TAFA1: variants seen among roughly 807,000 people sequenced by gnomAD.
The protein encoded by TAFA1 is TAFA chemokine like family member 1, also known as chemokine-like protein TAFA-1.
A neutral mutation model predicts 18.5 loss-of-function variants in TAFA1; 4 were observed. The ratio of observed to expected loss-of-function variants is 0.22; its 90% confidence interval spans 0.11 to 0.49. The LOEUF is 0.49. Among genes scored for constraint, TAFA1 ranks in the 20% least tolerant of loss-of-function variants. The probability of loss-of-function intolerance (pLI) is 0.98; values close to 1 mark genes in which losing one functional copy is unlikely to be tolerated. For synonymous variants in TAFA1, 56 were observed against 55.2 expected (o/e 1.01, Z -0.06); for missense variants, 147 against 169.0 (o/e 0.87, Z 0.72).
At chr3:68,155,672 C>A (rs1462793151) in intron 2 of TAFA1, among the ~76,000 whole-genome samples, 3 of 152,072 alleles carry the variant, frequency 2.0e-5, no homozygotes, top group Admixed American at 1.3e-4. Context: ...TGGAAATTAA[C>A]AAATCATTCC....
chr3:68,390,190 G>T (rs1003664937), intron 2 of TAFA1, among the ~76,000 whole-genome samples: 10 of 152,162 alleles, frequency 6.6e-5, no homozygotes, highest in Non-Finnish European at 1.5e-4. Flanking sequence ...CGCCATTACT[G>T]AGGCTTGAGT....
At chr3:68,460,362 T>A (rs2071751717) in intron 3 of TAFA1, among the ~76,000 whole-genome samples, 1 of 152,176 alleles carries the variant, frequency 6.6e-6, no homozygotes, top group Non-Finnish European at 1.5e-5. Flanking sequence ...TTTTGTTTTT[T>A]TCTTCAGCAT....
chr3:68,151,896 G>T (rs912265241), intron 2 of TAFA1, among the ~76,000 whole-genome samples: 3 of 152,102 alleles, frequency 2.0e-5, no homozygotes, highest in Admixed American at 6.5e-5. Flanking sequence ...TATGCTACTG[G>T]ATTCTAATTA....
At chr3:68,104,205 T>C (rs112526431) in intron 2 of TAFA1, among the ~76,000 whole-genome samples, 148 of 152,298 alleles carry the variant, frequency 9.7e-4, no homozygotes, top group African/African-American at 3.4e-3. Flanking sequence ...AAACTCAGAT[T>C]AATATGGGTC....
At chr3:68,069,759 T>G (rs1651059076) in intron 2 of TAFA1, among the ~76,000 whole-genome samples, 1 of 152,182 alleles carries the variant, frequency 6.6e-6, no homozygotes, top group Non-Finnish European at 1.5e-5. Flanking sequence ...TTCTAAATGG[T>G]AGTAATTGGC....
the TAFA1 span, among the ~76,000 whole-genome samples, chr3:67,994,035 A>G: frequency 1.3e-5 from 2 of 152,186 alleles, no homozygotes; most frequent in African/African-American, 4.8e-5. Flanking sequence ...TGTGTGATAT[A>G]TATTTTCAAC....
At chr3:68,177,742 T>C (rs1446777447) in intron 2 of TAFA1, among the ~76,000 whole-genome samples, 1 of 152,210 alleles carries the variant, frequency 6.6e-6, no homozygotes, top group Non-Finnish European at 1.5e-5. Flanking sequence ...CCTTTTATAA[T>C]CTGTCTTGTC....
At chr3:68,198,780 A>G (rs1178707861) in intron 2 of TAFA1, among the ~76,000 whole-genome samples, 5 of 151,446 alleles carry the variant, frequency 3.3e-5, no homozygotes, top group Non-Finnish European at 4.4e-5. Context: ...CCTTTATCAG[A>G]TATGCCTCTA....
At chr3:68,207,515 G>A (rs777775602) in intron 2 of TAFA1, among the ~76,000 whole-genome samples, 5 of 151,778 alleles carry the variant, frequency 3.3e-5, no homozygotes, top group Non-Finnish European at 2.9e-5. Context: ...ATGTCAGTTC[G>A]CAGAGCCCCA....
rs118043729 is a variant in TAFA1 at position 68,424,492 on chromosome 3, C to T, written c.259+7072C>T. ...ACAAAATAAAATTTGACAGATGTAA[C>T]TTTAATTTTTTTTTCAAGTGGCATT... On this transcript the variant is annotated intron_variant, in intron 3 of 4. Transcript: ENST00000478136. 3.7e-4 allele frequency among the ~76,000 whole-genome samples: 56 copies of T among 151,874 alleles called. No homozygotes were observed. In the East Asian group the frequency reaches 0.011, roughly 28 times the overall value.
chr3:68,042,402 C>T (rs971246667), intron 2 of TAFA1, among the ~76,000 whole-genome samples: 6 of 152,176 alleles, frequency 3.9e-5, no homozygotes, highest in African/African-American at 1.4e-4. Flanking sequence ...GTAATCCCAG[C>T]ACGTTGGGAG....
intron 2 of TAFA1, among the ~76,000 whole-genome samples, chr3:68,129,549 C>A (rs538232748): frequency 6.6e-6 from 1 of 152,280 alleles, no homozygotes; most frequent in African/African-American, 2.4e-5. Flanking sequence ...CCATTTTATT[C>A]TGAGACCAAT....
intron 2 of TAFA1, among the ~76,000 whole-genome samples, chr3:68,080,356 A>T (rs564987187): frequency 8.3e-4 from 126 of 151,792 alleles, no homozygotes; most frequent in African/African-American, 2.9e-3. Context: ...TCCTGTCATT[A>T]TGAGGTTAGC....
chr3:68,280,320 T>C (rs1575742425), intron 2 of TAFA1, among the ~76,000 whole-genome samples: 2 of 152,218 alleles, frequency 1.3e-5, no homozygotes, highest in South Asian at 4.1e-4. Flanking sequence ...ATTCTTTCAA[T>C]ACCATTGATC....
rs73836822 is a variant in TAFA1 at position 68,254,597 on chromosome 3, A to G, written c.119-162683A>G. The stretch of plus-strand genomic sequence containing the variant: ...ACTGGAATCTATTCATATGGGAACC[A>G]AAGACATGCTGTGATGCCAAGTTAT... On this transcript the variant is annotated intron_variant, in intron 2 of 4. Coordinates refer to ENST00000478136, the MANE Select transcript of TAFA1 (RefSeq NM_213609.4). Among the ~76,000 whole-genome samples the G allele has an allele frequency of 9.7e-3, 1,471 of 152,234 alleles. 16 individuals carry two copies. Among genetic ancestry groups the G allele is most frequent in the African/African-American group, 0.03 (1,247 of 41,548 alleles).
At chr3:68,539,281 T>G (rs1410202188) in intron 4 of TAFA1, among the ~76,000 whole-genome samples, 1 of 152,194 alleles carries the variant, frequency 6.6e-6, no homozygotes, top group Non-Finnish European at 1.5e-5. Flanking sequence ...CATTTTCTAA[T>G]GTTCTTTAAA....
chr3:68,189,859 T>C (rs542936738), intron 2 of TAFA1, among the ~76,000 whole-genome samples: 2 of 152,046 alleles, frequency 1.3e-5, no homozygotes, highest in East Asian at 1.9e-4. Flanking sequence ...TTGTCACTGC[T>C]GCAATTCTTA....
intron 2 of TAFA1, among the ~76,000 whole-genome samples, chr3:68,242,463 A>G (rs544084932): frequency 1.3e-5 from 2 of 152,300 alleles, no homozygotes; most frequent in East Asian, 3.9e-4. Flanking sequence ...GCAGTGTCTA[A>G]ATTAATGAGG....
At chr3:68,065,777 A>G (rs1189353354) in intron 2 of TAFA1, among the ~76,000 whole-genome samples, 1 of 139,528 alleles carries the variant, frequency 7.2e-6, no homozygotes, top group East Asian at 2.0e-4. Context: ...CACACACATT[A>G]CCTATGCCTC....
Sources: allele counts gnomAD v4.1 joint callset (sites outside exome capture counted in the v4.1 genomes callset), GRCh38; gene constraint gnomAD v4.1.1; transcripts MANE v1.5; gene names NCBI Gene and HGNC (gene_info 2026-07-23, HGNC 2026-07-21).